FAM76B: variants seen among roughly 807,000 people sequenced by gnomAD.
FAM76B encodes the protein protein FAM76B.
FAM76B carries 16 observed loss-of-function variants against 51.8 expected under a neutral mutation model. The ratio of observed to expected loss-of-function variants is 0.31; its 90% CI spans 0.21 to 0.47. FAM76B has a LOEUF of 0.47. Ranked by LOEUF, FAM76B falls within the 20% of genes least tolerant of loss-of-function variation. The pLI is 1.00. For synonymous variants in FAM76B, 166 were observed against 129.5 expected (o/e 1.28, Z -1.91); for missense variants, 342 against 392.6 (o/e 0.87, Z 1.09).
chr11:95,788,279 T>C (rs574835947), intron 2 of FAM76B, among the ~76,000 whole-genome samples: 2 of 152,348 alleles, frequency 1.3e-5, no homozygotes, highest in Non-Finnish European at 1.5e-5. Flanking sequence ...CATGTAGTAT[T>C]ATTCCTTCTC....
At position 95,779,472 on chromosome 11, in the gene FAM76B, T is replaced by C. The variant is rs1860156523; in HGVS notation, c.692+135A>G. ...AAGCTAAAAATTTTAAACTAATTTA[T>C]GTTTATTCTTCTAGGTGACTCAAGT... On this transcript the variant is annotated intron_variant, in intron 7 of 9. Transcript: ENST00000358780. 14 of 773,736 alleles carry C rather than the reference T, an allele frequency of 1.8e-5. 1 individual carries two copies. In the East Asian group the frequency reaches 4.1e-4, roughly 22 times the overall value. The allele number at this position is 773,736 out of a possible 1,614,324, so 47.9% of individuals were successfully genotyped here.
rs1355547902 is a variant in FAM76B, at chr11:95,770,868, T to G, written c.*693A>C. The G allele has an allele frequency of 1.3e-5, 2 of 151,652 alleles. No homozygotes were observed. Among genetic ancestry groups the G allele is most frequent in the Non-Finnish European group, 3.0e-5 (2 of 67,364 alleles). The allele number at this position is 151,652 out of a possible 1,614,324, so 9.4% of individuals were successfully genotyped here. On this transcript the variant is annotated 3_prime_UTR_variant, in exon 10 of 10. Transcript: ENST00000358780. ...TCAGCATTCCTATAAATAAAAACAT[T>G]AGGTGGCAAAAAGGCACTTGTAAGT...
intron 9 of FAM76B, among the ~76,000 whole-genome samples, chr11:95,773,458 CA>C (rs56008636): frequency 4.8e-4 from 61 of 127,792 alleles, no homozygotes; most frequent in African/African-American, 8.8e-4. Flanking sequence ...TGCAGCCAGC[CA>C]AAAAAAAAAA....
chr11:95,787,716 C>A, intron 2 of FAM76B, 38 bp from the exon 3 acceptor site: 1 of 1,511,106 alleles, frequency 6.6e-7, no homozygotes, highest in Non-Finnish European at 9.1e-7. Context: ...GTTTATGTAG[C>A]TTTCTAAAGT....
intron 9 of FAM76B, among the ~76,000 whole-genome samples, chr11:95,772,396 T>C (rs1250937186): frequency 6.6e-6 from 1 of 151,212 alleles, no homozygotes; most frequent in Non-Finnish European, 1.5e-5. Flanking sequence ...ATCACTAGTT[T>C]AGTGAAGAGG....
chr11:95,773,529 T>C (rs1000024325), intron 9 of FAM76B, among the ~76,000 whole-genome samples: 6 of 149,944 alleles, frequency 4.0e-5, no homozygotes. Context: ...AGTTTAGACA[T>C]GTTGGTGCAA....
chr11:95,779,589 A>G lies in FAM76B; in HGVS notation c.692+18T>C, dbSNP rs755942412. On this transcript the variant is annotated intron_variant, in intron 7 of 9. Transcript: ENST00000358780. ...AACTAAGTTGAATTTTCATAACACTAAAAGAATTCATTTTTACCTATCTCC... is the reference window on the plus strand; with the variant it reads ...AACTAAGTTGAATTTTCATAACACTGAAAGAATTCATTTTTACCTATCTCC... 1.9e-6 allele frequency: 3 copies of G among 1,593,360 alleles called. No homozygotes were observed. The Admixed American group carries it at 5.3e-5, about 28-fold the overall frequency.
chr11:95,781,011 A>G (rs531262081), intron 5 of FAM76B, among the ~76,000 whole-genome samples: 1 of 152,192 alleles, frequency 6.6e-6, no homozygotes, highest in African/African-American at 2.4e-5. Context: ...GTTAATAGCA[A>G]TAATTCCATC....
At chr11:95,786,347 A>G in intron 3 of FAM76B, 73 bp from the exon 4 acceptor site, 1 of 1,477,568 alleles carries the variant, frequency 6.8e-7, no homozygotes, top group Non-Finnish European at 9.0e-7. Flanking sequence ...CCAGTGTTGT[A>G]GACATATTTC....
chr11:95,784,630 C>CA (rs1409317738), intron 4 of FAM76B, among the ~76,000 whole-genome samples: 3 of 151,324 alleles, frequency 2.0e-5, no homozygotes, highest in Non-Finnish European at 4.4e-5. Flanking sequence ...CTCTGTCGCC[C>CA]AGGCTGGAGT....
chr11:95,789,534 A>C lies in FAM76B; in HGVS notation c.-56T>G. 1.3e-6 allele frequency: 2 copies of C among 1,506,666 alleles called. No individual in the cohort carries two copies. Among genetic ancestry groups the C allele is most frequent in the Non-Finnish European group, 1.8e-6 (2 of 1,114,960 alleles). The allele number at this position is 1,506,666 out of a possible 1,614,324, so 93.3% of individuals were successfully genotyped here. ...CCCGCTCCGAGGCGGGGCCCTACGGAGAACCCGAGAGCCGCCGCCGCCCGG... is the reference window on the plus strand; with the variant it reads ...CCCGCTCCGAGGCGGGGCCCTACGGCGAACCCGAGAGCCGCCGCCGCCCGG... On this transcript the variant is annotated 5_prime_UTR_variant, in exon 1 of 10. Transcript: ENST00000358780.
At chr11:95,786,415 A>T (rs575887443) in intron 3 of FAM76B, 141 bp from the exon 4 acceptor site, 2 of 812,804 alleles carry the variant, frequency 2.5e-6, no homozygotes, top group East Asian at 5.4e-5. Context: ...TTGCCCTGTC[A>T]CATGCAATAA....
In FAM76B at chr11:95,789,265, G is replaced by A. The variant is rs572533155; in HGVS notation, c.87+127C>T. The A allele has an allele frequency of 2.1e-4, 229 of 1,090,354 alleles. 2 individuals carry two copies. The Admixed American group carries it at 2.5e-3, about 12-fold the overall frequency. 67.5% of individuals were successfully genotyped at this position (1,090,354 alleles called of 1,614,324 possible). On this transcript the variant is annotated intron_variant, in intron 1 of 9. Transcript: ENST00000358780. Reference sequence around the variant, plus strand: ...AGAAAAAGGGGTCCCCGAGTGGGGAGGCGAGGGCTCCAGACTCCCAAACCC... The same window carrying A: ...AGAAAAAGGGGTCCCCGAGTGGGGAAGCGAGGGCTCCAGACTCCCAAACCC...
intron 2 of FAM76B, 87 bp from the exon 3 acceptor site, chr11:95,787,765 G>A: frequency 1.7e-6 from 2 of 1,163,104 alleles, no homozygotes; most frequent in Non-Finnish European, 2.4e-6. Context: ...TCAAAGATTT[G>A]TTGTACTTAA....
chr11:95,782,627 A>T (rs1305957328), intron 5 of FAM76B, among the ~76,000 whole-genome samples: 1 of 152,164 alleles, frequency 6.6e-6, no homozygotes, highest in Non-Finnish European at 1.5e-5. Flanking sequence ...TCATAGTAAC[A>T]AATTATAGTA....
At position 95,778,724 on chromosome 11, in the gene FAM76B, C is replaced by T. The variant is rs535080038; in HGVS notation, c.828+98G>A. On this transcript the variant is annotated intron_variant, in intron 8 of 9. Transcript: ENST00000358780. ...TCTTATAAAAATCACGCACAACAAACATTACCAAATTATTAAAGGAAGTCT... is the reference window on the plus strand; with the variant it reads ...TCTTATAAAAATCACGCACAACAAATATTACCAAATTATTAAAGGAAGTCT... 2.2e-5 allele frequency: 31 copies of T among 1,408,520 alleles called. No individual in the cohort carries two copies. The South Asian group carries it at 4.5e-4, about 20-fold the overall frequency. 87.3% of individuals were successfully genotyped at this position (1,408,520 alleles called of 1,614,324 possible). A position where few individuals can be genotyped will look rare whatever the true frequency, so the allele number is the denominator to read the frequency against.
At chr11:95,787,815 G>C in intron 2 of FAM76B, 137 bp from the exon 3 acceptor site, 1 of 671,176 alleles carries the variant, frequency 1.5e-6, no homozygotes, top group South Asian at 2.0e-5. Flanking sequence ...AAATATACAA[G>C]GATATTTTCA....
chr11:95,783,605 A>G (rs1860394835), intron 4 of FAM76B, among the ~76,000 whole-genome samples: 1 of 152,222 alleles, frequency 6.6e-6, no homozygotes, highest in African/African-American at 2.4e-5. Flanking sequence ...GAATTCTTAT[A>G]TCGCTGTGTC....
intron 3 of FAM76B, among the ~76,000 whole-genome samples, chr11:95,787,369 G>C (rs1860658444): frequency 6.6e-6 from 1 of 151,992 alleles, no homozygotes; most frequent in Admixed American, 6.6e-5. Context: ...GAGTAGCTGG[G>C]ACTACAGGCG....
Sources: allele counts gnomAD v4.1 joint callset (sites outside exome capture counted in the v4.1 genomes callset), GRCh38; gene constraint gnomAD v4.1.1; transcripts MANE v1.5; gene names NCBI Gene and HGNC (gene_info 2026-07-23, HGNC 2026-07-21).